Variants in GPM6A observed in about 807,000 individuals in gnomAD.
GPM6A encodes the protein glycoprotein M6A, also known as neuronal membrane glycoprotein M6-a.
Under a neutral mutation model 32.1 loss-of-function variants are expected in GPM6A, and 7 were observed. That is an observed-to-expected ratio of 0.22 (90% CI 0.12 to 0.41). GPM6A has a LOEUF of 0.41. Among genes scored for constraint, GPM6A ranks in the 10% least tolerant of loss-of-function variants. GPM6A has a pLI of 1.00. For missense variants in GPM6A, 235 were observed against 347.2 expected (o/e 0.68, Z 2.57); for synonymous variants, 130 against 123.4 (o/e 1.05, Z -0.35).
chr4:175,853,922 A>C (rs1736339160), intron 1 of GPM6A, among the ~76,000 whole-genome samples: 1 of 152,188 alleles, frequency 6.6e-6, no homozygotes, highest in Admixed American at 6.5e-5. Flanking sequence ...ATTAATTTGA[A>C]CTATAGATAC....
At chr4:175,852,039 C>T (rs1045038634) in intron 1 of GPM6A, among the ~76,000 whole-genome samples, 9 of 152,082 alleles carry the variant, frequency 5.9e-5, no homozygotes, top group African/African-American at 2.2e-4. Flanking sequence ...GAGACAAACA[C>T]AAGAAAATAA....
At chr4:175,897,791 T>C (rs1318720743) in intron 1 of GPM6A, among the ~76,000 whole-genome samples, 1 of 152,184 alleles carries the variant, frequency 6.6e-6, no homozygotes, top group East Asian at 1.9e-4. Flanking sequence ...ATTGGGTCAA[T>C]TGAGCTACTT....
At chr4:175,955,055 A>G (rs1402668209) in intron 1 of GPM6A, among the ~76,000 whole-genome samples, 1 of 152,268 alleles carries the variant, frequency 6.6e-6, no homozygotes, top group Non-Finnish European at 1.5e-5. Context: ...TGAGAAGTAG[A>G]GATGAATCAC....
At chr4:175,680,053 AT>A (rs1397272359) in intron 2 of GPM6A, among the ~76,000 whole-genome samples, 1 of 152,090 alleles carries the variant, frequency 6.6e-6, no homozygotes, top group Non-Finnish European at 1.5e-5. Flanking sequence ...AGGTCTTTTT[AT>A]TGTATCAAGG....
rs138583363 is a variant in GPM6A at position 175,639,293 on chromosome 4, T to A, written c.684+836A>T. ...TCTCTGACAAGAGAAAAACATTTTT[T>A]TATGAAAGTGTTCCTTTCACCAATA... On this transcript the variant is annotated intron_variant, in intron 6 of 6. Coordinates refer to ENST00000393658, the MANE Select transcript of GPM6A (RefSeq NM_201591.3). 1.8e-3 allele frequency among the ~76,000 whole-genome samples: 269 copies of A among 152,310 alleles called. 1 individual carries two copies. The highest frequency in any genetic ancestry group is 6.2e-3 in the African/African-American group (256 of 41,576).
intron 1 of GPM6A, among the ~76,000 whole-genome samples, chr4:175,991,578 C>G (rs943444338): frequency 6.6e-6 from 1 of 152,216 alleles, no homozygotes; most frequent in South Asian, 2.1e-4. Flanking sequence ...GATGGAAATA[C>G]ATAGTTGACT....
intron 1 of GPM6A, among the ~76,000 whole-genome samples, chr4:175,736,004 A>G (rs1328088573): frequency 6.6e-6 from 1 of 152,158 alleles, no homozygotes; most frequent in Admixed American, 6.5e-5. Context: ...GTGAGACTAA[A>G]ACAATGTTTT....
rs1408021601 is a variant in GPM6A, at chr4:175,909,041, G to C, written c.-23+93268C>G. ...ACTAGAGGCAGACAAAAAAAAAAGGGCGGGGGGGGGGCAACTAGCTCATAA... is the reference window on the plus strand; with the variant it reads ...ACTAGAGGCAGACAAAAAAAAAAGGCCGGGGGGGGGGCAACTAGCTCATAA... On this transcript the variant is annotated intron_variant, in intron 1 of 7. Transcript: ENST00000280187. Among the ~76,000 whole-genome samples, 5 of 48,314 alleles carry C rather than the reference G, an allele frequency of 1.0e-4. No individual in the cohort carries two copies. In the East Asian group the frequency reaches 4.2e-3, roughly 40 times the overall value. The allele number at this position is 48,314 out of a possible 152,430, so 31.7% of individuals were successfully genotyped here.
At chr4:175,700,592 A>G (rs899835656) in intron 2 of GPM6A, among the ~76,000 whole-genome samples, 2 of 152,220 alleles carry the variant, frequency 1.3e-5, no homozygotes, top group African/African-American at 4.8e-5. Context: ...AAAGCATCAT[A>G]TTAGTTAAAA....
At chr4:175,815,461 A>G (rs1163061193), upstream of GPM6A, among the ~76,000 whole-genome samples, 2 of 152,234 alleles carry the variant, frequency 1.3e-5, no homozygotes, top group Non-Finnish European at 2.9e-5. Flanking sequence ...TATTAATTAT[A>G]AAATATACTA....
intron 1 of GPM6A, among the ~76,000 whole-genome samples, chr4:175,929,526 G>T (rs897984903): frequency 1.3e-5 from 2 of 152,146 alleles, no homozygotes; most frequent in Admixed American, 1.3e-4. Flanking sequence ...AAACTGTCCT[G>T]ACCCATATTG....
intron 1 of GPM6A, among the ~76,000 whole-genome samples, chr4:175,969,987 T>C (rs1361880971): frequency 6.6e-6 from 1 of 152,234 alleles, no homozygotes; most frequent in Admixed American, 6.5e-5. Context: ...TTAACTACTT[T>C]TACTTTCAGG....
At chr4:175,731,454 A>G (rs943683288) in intron 1 of GPM6A, among the ~76,000 whole-genome samples, 1 of 151,926 alleles carries the variant, frequency 6.6e-6, no homozygotes, top group Non-Finnish European at 1.5e-5. Context: ...TCTGACCTCA[A>G]TCATGTCTTT....
At chr4:175,923,246 T>C (rs961264237) in intron 1 of GPM6A, among the ~76,000 whole-genome samples, 2 of 4,292 alleles carry the variant, frequency 4.7e-4, no homozygotes, top group African/African-American at 1.0e-3. Context: ...TATATATATA[T>C]ACACAACATA....
At chr4:175,752,988 A>G (rs983102304) in intron 1 of GPM6A, among the ~76,000 whole-genome samples, 2 of 152,160 alleles carry the variant, frequency 1.3e-5, no homozygotes, top group Non-Finnish European at 1.5e-5. Context: ...CATTTAATCA[A>G]TTCCATTAGT....
At chr4:175,752,576 C>G (rs762341160) in intron 1 of GPM6A, among the ~76,000 whole-genome samples, 14 of 152,112 alleles carry the variant, frequency 9.2e-5, no homozygotes, top group Non-Finnish European at 1.8e-4. Context: ...AAGAAAAAGC[C>G]TACAAGAAGA....
intron 1 of GPM6A, among the ~76,000 whole-genome samples, chr4:175,918,294 A>C (rs945301650): frequency 1.3e-5 from 2 of 152,198 alleles, no homozygotes; most frequent in Admixed American, 1.3e-4. Flanking sequence ...GATTTTAAGG[A>C]TATGTAAAGT....
chr4:175,752,332 G>A (rs1732367787), intron 1 of GPM6A, among the ~76,000 whole-genome samples: 1 of 152,174 alleles, frequency 6.6e-6, no homozygotes, highest in Middle Eastern at 3.4e-3. Context: ...TATAATCTAA[G>A]CCTGCTGGTG....
intron 1 of GPM6A, among the ~76,000 whole-genome samples, chr4:175,734,284 A>G (rs1039947191): frequency 3.3e-5 from 5 of 151,792 alleles, no homozygotes; most frequent in Admixed American, 3.3e-4. Flanking sequence ...CTCTTTTCTA[A>G]TTTGCACCCA....
Sources: gnomAD v4.1 joint callset for allele counts (sites outside exome capture counted in the v4.1 genomes callset) on GRCh38, gnomAD v4.1.1 for gene constraint, MANE v1.5 for transcripts, NCBI Gene and HGNC (gene_info 2026-07-23, HGNC 2026-07-21) for gene names.